XRCC4: variants seen among roughly 807,000 people sequenced by gnomAD.
The protein encoded by XRCC4 is DNA repair protein XRCC4.
XRCC4 carries 28 observed loss-of-function variants against 39.1 expected under a neutral mutation model. The observed-to-expected ratio is 0.72, with a 90% CI of 0.53 to 0.98. XRCC4 has a LOEUF of 0.98. XRCC4 is among the 50% of genes least tolerant of loss of function. XRCC4 has a pLI of 0.00. For missense variants in XRCC4, 350 were observed against 376.4 expected (o/e 0.93, Z 0.58); for synonymous variants, 123 against 126.4 (o/e 0.97, Z 0.18).
intron 6 of XRCC4, among the ~76,000 whole-genome samples, chr5:83,221,863 G>C (rs1752096395): frequency 6.6e-6 from 1 of 151,566 alleles, no homozygotes; most frequent in South Asian, 2.1e-4. Context: ...TTATTTAGTG[G>C]ATATAAATTT....
At position 83,280,933 on chromosome 5, in the gene XRCC4, T is replaced by C. The variant is rs1580460495; in HGVS notation, c.893+22256T>C. Among the ~76,000 whole-genome samples the C allele has an allele frequency of 2.6e-5, 4 of 152,324 alleles. No homozygotes were observed. In the Middle Eastern group the frequency reaches 0.01, roughly 389 times the overall value. ...ATCAGGATTTCTCTACATATCCTCT[T>C]TCCTGGAGTTTCTTTTAGTGCAAGG... On this transcript the variant is annotated intron_variant, in intron 7 of 7. Coordinates refer to ENST00000396027, the MANE Select transcript of XRCC4 (RefSeq NM_003401.5).
intron 3 of XRCC4, among the ~76,000 whole-genome samples, chr5:83,137,165 A>G (rs1178094219): frequency 6.6e-6 from 1 of 152,232 alleles, no homozygotes; most frequent in Non-Finnish European, 1.5e-5. Context: ...AGGAACATCA[A>G]AAATCAGATG....
At chr5:83,147,567 C>G (rs1748515130) in intron 3 of XRCC4, among the ~76,000 whole-genome samples, 1 of 151,868 alleles carries the variant, frequency 6.6e-6, no homozygotes, top group African/African-American at 2.4e-5. Flanking sequence ...GTAGAAGGTG[C>G]TTGAAGAAAT....
the XRCC4 span, among the ~76,000 whole-genome samples, chr5:83,361,643 G>T: frequency 6.7e-6 from 1 of 148,476 alleles, no homozygotes; most frequent in African/African-American, 2.5e-5. Context: ...TTTTCTTGGA[G>T]ATAGAGTTTT....
chr5:83,362,015 C>T, the XRCC4 span, among the ~76,000 whole-genome samples: 10 of 152,164 alleles, frequency 6.6e-5, no homozygotes, highest in South Asian at 1.7e-3. Context: ...ACTTAGCTGC[C>T]TCTTTCTTTT....
chr5:83,259,116 T>A (rs1010890709), intron 7 of XRCC4: 1 of 168,516 alleles, frequency 5.9e-6, no homozygotes, highest in Admixed American at 6.2e-5. Flanking sequence ...AGTTTTGGCA[T>A]TGTGTACTTT....
chr5:83,209,214 C>T (rs1310558232), intron 6 of XRCC4, among the ~76,000 whole-genome samples: 2 of 151,892 alleles, frequency 1.3e-5, no homozygotes, highest in South Asian at 2.1e-4. Context: ...AGGTAAAACA[C>T]GATGTCCCTA....
chr5:83,290,000 C>A (rs1283470085), intron 7 of XRCC4, among the ~76,000 whole-genome samples: 2 of 151,748 alleles, frequency 1.3e-5, no homozygotes, highest in East Asian at 3.9e-4. Flanking sequence ...CACTCTCATG[C>A]TAGTCTACAT....
intron 3 of XRCC4, among the ~76,000 whole-genome samples, chr5:83,171,578 C>T (rs539026381): frequency 7.9e-5 from 12 of 152,254 alleles, no homozygotes; most frequent in African/African-American, 2.9e-4. Flanking sequence ...CTACCACTAC[C>T]TAATAGCTGC....
chr5:83,266,929 A>G (rs1753976265), intron 7 of XRCC4, among the ~76,000 whole-genome samples: 1 of 152,184 alleles, frequency 6.6e-6, no homozygotes, highest in Non-Finnish European at 1.5e-5. Flanking sequence ...GTCTTTGTGT[A>G]TGAATAGAAC....
intron 7 of XRCC4, among the ~76,000 whole-genome samples, chr5:83,281,909 T>C (rs1244633079): frequency 6.6e-6 from 1 of 152,220 alleles, no homozygotes; most frequent in African/African-American, 2.4e-5. Flanking sequence ...CTACCTTCTA[T>C]AGAAGCTGAC....
chr5:83,266,652 A>G (rs1442246484), intron 7 of XRCC4, among the ~76,000 whole-genome samples: 1 of 152,120 alleles, frequency 6.6e-6, no homozygotes, highest in Non-Finnish European at 1.5e-5. Flanking sequence ...ATTCAAAAAT[A>G]CTTTTAGTAA....
chr5:83,082,728 A>ATT (rs201102978), intron 1 of XRCC4, among the ~76,000 whole-genome samples: 2,031 of 138,712 alleles, frequency 0.015, 48 homozygotes, highest in African/African-American at 0.055. Context: ...ACATTATGAG[A>ATT]TTTTTTTTTT....
At chr5:83,231,177 A>C (rs995964124) in intron 6 of XRCC4, among the ~76,000 whole-genome samples, 1 of 151,970 alleles carries the variant, frequency 6.6e-6, no homozygotes, top group African/African-American at 2.4e-5. Context: ...TCTTTTTCCT[A>C]TATGTCAGGC....
Position 83,353,132 on chromosome 5 carries a change from C to T in XRCC4, c.895C>T (p.Pro299Ser). 1.3e-6 allele frequency: 2 copies of T among 1,598,800 alleles called. No homozygotes were observed. The change falls in exon 8 of 8, where the codon CCT becomes TCT. Residue 299 changes from proline to serine, a missense_variant and splice_region_variant. Physicochemically the swap from Pro to Ser is moderately conservative, Grantham distance 74. Transcript: ENST00000396027. ...QENQLQEKEK[P>S]DSSLPETSKK... is the part of the protein sequence containing the mutation. ...TTTTGATTTTCTTTTCAGTTCTAGG[C>T]CTGATTCTTCACTACCTGAGACGTC...
chr5:83,269,872 G>A (rs1196975210), intron 7 of XRCC4, among the ~76,000 whole-genome samples: 1 of 152,062 alleles, frequency 6.6e-6, no homozygotes, highest in African/African-American at 2.4e-5. Context: ...GGGGTGGGTG[G>A]GGGGATGGTT....
intron 6 of XRCC4, among the ~76,000 whole-genome samples, chr5:83,212,839 A>G (rs1370457378): frequency 1.3e-5 from 2 of 151,492 alleles, no homozygotes; most frequent in African/African-American, 2.4e-5. Flanking sequence ...AGGCAGGAGA[A>G]TCTCTTGAAC....
intron 6 of XRCC4, among the ~76,000 whole-genome samples, chr5:83,252,691 T>G (rs1580427285): frequency 6.6e-6 from 1 of 152,166 alleles, no homozygotes; most frequent in Admixed American, 6.5e-5. Flanking sequence ...ATACATTTTC[T>G]CAGCTGAGAA....
chr5:83,290,007 A>G (rs2112974203), intron 7 of XRCC4, among the ~76,000 whole-genome samples: 1 of 151,952 alleles, frequency 6.6e-6, no homozygotes, highest in Non-Finnish European at 1.5e-5. Flanking sequence ...ATGCTAGTCT[A>G]CATTAAGTCT....
Sources: gnomAD v4.1 joint callset for allele counts (sites outside exome capture counted in the v4.1 genomes callset) on GRCh38, gnomAD v4.1.1 for gene constraint, MANE v1.5 for transcripts, NCBI Gene and HGNC (gene_info 2026-07-23, HGNC 2026-07-21) for gene names.